EXOC4: variants seen among roughly 807,000 people sequenced by gnomAD.
EXOC4 encodes the protein SEC8-like 1.
A neutral mutation model predicts 107.2 loss-of-function variants in EXOC4; 71 were observed. That is an observed-to-expected ratio of 0.66 (90% confidence interval 0.55 to 0.81). EXOC4 has a LOEUF of 0.81. Among genes scored for constraint, EXOC4 ranks in the 30% least tolerant of loss-of-function variants. EXOC4 has a pLI of 0.00. For missense variants in EXOC4, 1,108 were observed against 1,189.6 expected (o/e 0.93, Z 1.01); for synonymous variants, 456 against 441.2 (o/e 1.03, Z -0.42).
intron 7 of EXOC4, among the ~76,000 whole-genome samples, chr7:133,389,853 G>A (rs1027069501): frequency 2.7e-5 from 4 of 146,870 alleles, no homozygotes; most frequent in Non-Finnish European, 5.9e-5. Context: ...ATGGCGGAAC[G>A]CAAGGAGGAG....
chr7:133,963,495 T>C (rs1800992813), intron 14 of EXOC4, among the ~76,000 whole-genome samples: 2 of 152,060 alleles, frequency 1.3e-5, no homozygotes, highest in South Asian at 4.1e-4. Context: ...CACCTGAGGG[T>C]GTTTCTGACA....
intron 7 of EXOC4, among the ~76,000 whole-genome samples, chr7:133,465,908 G>A (rs1798716822): frequency 6.6e-6 from 1 of 152,100 alleles, no homozygotes; most frequent in Admixed American, 6.5e-5. Context: ...GGCTGAGGTG[G>A]GTGGATCACC....
chr7:133,642,265 G>C (rs1802875633), intron 10 of EXOC4, among the ~76,000 whole-genome samples: 1 of 152,122 alleles, frequency 6.6e-6, no homozygotes, highest in African/African-American at 2.4e-5. Flanking sequence ...GTGGTAATTT[G>C]AGAATAAGAG....
chr7:133,339,357 A>G lies in EXOC4; in HGVS notation c.764-16973A>G, dbSNP rs557586025. On this transcript the variant is annotated intron_variant, in intron 5 of 17. Transcript: ENST00000253861. The stretch of plus-strand genomic sequence containing the variant: ...ATTTCTGGGTTCTCTAGTCTGTTCC[A>G]TTGGTCAATGTGCCTGTTTTTATAT... Among the ~76,000 whole-genome samples, 4 of 152,178 alleles carry G rather than the reference A, an allele frequency of 2.6e-5. No homozygotes were observed. The South Asian group carries it at 6.2e-4, about 24-fold the overall frequency.
At position 133,735,333 on chromosome 7, in the gene EXOC4, T is replaced by C. The variant is rs534658070; in HGVS notation, c.1515-81992T>C. On this transcript the variant is annotated intron_variant, in intron 10 of 17. Coordinates refer to ENST00000253861, the MANE Select transcript of EXOC4 (RefSeq NM_021807.4). ...ATCAGTTTAAGCAGTGCTTTTTCTT[T>C]TTTATAAAGCAGCTGGGATCTGACT... Among the ~76,000 whole-genome samples, 24 of 152,176 alleles carry C rather than the reference T, an allele frequency of 1.6e-4. No homozygotes were observed. In the South Asian group the frequency reaches 3.1e-3, roughly 20 times the overall value.
chr7:133,512,780 C>T (rs1214169304), intron 9 of EXOC4, among the ~76,000 whole-genome samples: 1 of 152,160 alleles, frequency 6.6e-6, no homozygotes, highest in Non-Finnish European at 1.5e-5. Context: ...ACGCCTCAGT[C>T]TGTTACATTA....
At chr7:133,760,711 A>G (rs138978157) in intron 10 of EXOC4, among the ~76,000 whole-genome samples, 4 of 151,588 alleles carry the variant, frequency 2.6e-5, no homozygotes, top group African/African-American at 4.8e-5. Flanking sequence ...TGTTTTCACT[A>G]TATTATAAAA....
chr7:133,446,609 C>T (rs761045335), intron 7 of EXOC4, among the ~76,000 whole-genome samples: 38 of 152,106 alleles, frequency 2.5e-4, no homozygotes, highest in Non-Finnish European at 4.7e-4. Context: ...GAGATGAAGC[C>T]ATTAGAAACT....
intron 14 of EXOC4, among the ~76,000 whole-genome samples, chr7:133,993,713 C>T (rs938178595): frequency 6.6e-6 from 1 of 152,206 alleles, no homozygotes; most frequent in African/African-American, 2.4e-5. Flanking sequence ...CAGCACCTCT[C>T]TGATTCTTGG....
intron 10 of EXOC4, among the ~76,000 whole-genome samples, chr7:133,677,801 C>CTTT (rs34522992): frequency 4.2e-4 from 64 of 151,922 alleles, no homozygotes; most frequent in East Asian, 2.7e-3. Context: ...ACTTTGAGGG[C>CTTT]TTTTTTTGTA....
intron 4 of EXOC4, among the ~76,000 whole-genome samples, chr7:133,306,529 C>G (rs1794757549): frequency 6.6e-6 from 1 of 151,920 alleles, no homozygotes; most frequent in African/African-American, 2.4e-5. Flanking sequence ...AAGACTCTGT[C>G]TCTACAAAAA....
chr7:133,405,049 G>T (rs1055449794), intron 7 of EXOC4, among the ~76,000 whole-genome samples: 1 of 152,062 alleles, frequency 6.6e-6, no homozygotes, highest in African/African-American at 2.4e-5. Flanking sequence ...ACTCCAGCTT[G>T]AGTGATAGGG....
At chr7:133,654,468 T>C (rs1803238246) in intron 10 of EXOC4, among the ~76,000 whole-genome samples, 1 of 152,158 alleles carries the variant, frequency 6.6e-6, no homozygotes, top group Non-Finnish European at 1.5e-5. Context: ...TGTTAAATGA[T>C]ATTGGTACAG....
intron 10 of EXOC4, among the ~76,000 whole-genome samples, chr7:133,676,230 G>T (rs759594881): frequency 1.8e-4 from 28 of 151,794 alleles, no homozygotes; most frequent in Non-Finnish European, 2.9e-4. Context: ...TGAGAATAAG[G>T]TTGTTGTCTG....
chr7:133,420,543 ATTCTG>A (rs1797580607), intron 7 of EXOC4, among the ~76,000 whole-genome samples: 1 of 151,892 alleles, frequency 6.6e-6, no homozygotes, highest in South Asian at 2.1e-4. Flanking sequence ...TCTTTTTCAT[ATTCTG>A]TTGGTTAAAA....
chr7:133,871,667 T>C (rs1798754801), intron 11 of EXOC4, among the ~76,000 whole-genome samples: 1 of 152,154 alleles, frequency 6.6e-6, no homozygotes, highest in South Asian at 2.1e-4. Flanking sequence ...CTCTTCTCCT[T>C]CCTCCTGCTT....
intron 7 of EXOC4, among the ~76,000 whole-genome samples, chr7:133,438,051 TA>T (rs1258393773): frequency 6.6e-6 from 1 of 152,218 alleles, no homozygotes; most frequent in Non-Finnish European, 1.5e-5. Context: ...CTCTTTTCTA[TA>T]AGTTTTAGCT....
At chr7:133,780,024 G>C (rs1796429821) in intron 10 of EXOC4, among the ~76,000 whole-genome samples, 1 of 152,138 alleles carries the variant, frequency 6.6e-6, no homozygotes, top group Non-Finnish European at 1.5e-5. Context: ...GAACAAACTC[G>C]GGACACACCC....
intron 14 of EXOC4, among the ~76,000 whole-genome samples, chr7:133,965,212 G>C (rs1340639962): frequency 6.6e-6 from 1 of 152,130 alleles, no homozygotes; most frequent in Non-Finnish European, 1.5e-5. Context: ...TAAGTTCTTT[G>C]TAGATTCTGG....
Sources: allele counts gnomAD v4.1 joint callset (sites outside exome capture counted in the v4.1 genomes callset), GRCh38; gene constraint gnomAD v4.1.1; transcripts MANE v1.5; gene names NCBI Gene and HGNC (gene_info 2026-07-23, HGNC 2026-07-21).